SEC11A: variants seen among roughly 807,000 people sequenced by gnomAD.
SEC11A encodes SEC11 homolog A, signal peptidase complex subunit, also known as signal peptidase complex catalytic subunit SEC11A.
SEC11A carries 14 observed loss-of-function variants against 25.6 expected under a neutral mutation model. The observed-to-expected ratio is 0.55, with a 90% confidence interval of 0.36 to 0.85. SEC11A has a LOEUF of 0.85. SEC11A is among the 40% of genes least tolerant of loss of function. The pLI is 0.01. For missense variants in SEC11A, 153 were observed against 222.9 expected, an observed-to-expected ratio of 0.69 and a Z score of 2.00; for synonymous variants, 83 against 76.4, an observed-to-expected ratio of 1.09 and a Z score of -0.45.
At chr15:84,715,141 A>T (rs1320113851) in intron 1 of SEC11A, among the ~76,000 whole-genome samples, 2 of 152,184 alleles carry the variant, frequency 1.3e-5, no homozygotes, top group African/African-American at 4.8e-5. Flanking sequence ...ATAAGTACAA[A>T]AAATGCAAGT....
chr15:84,705,379 T>C (rs1261034315), intron 1 of SEC11A, among the ~76,000 whole-genome samples: 1 of 152,184 alleles, frequency 6.6e-6, no homozygotes, highest in Non-Finnish European at 1.5e-5. Flanking sequence ...ACCAGCTAGG[T>C]GGCAACACTT....
At chr15:84,703,855 C>A (rs1898020303) in intron 1 of SEC11A, among the ~76,000 whole-genome samples, 1 of 152,192 alleles carries the variant, frequency 6.6e-6, no homozygotes, top group South Asian at 2.1e-4. Context: ...GTGCTCATCA[C>A]AGAATTACCT....
chr15:84,683,802 G>T (rs1897342354), intron 3 of SEC11A, among the ~76,000 whole-genome samples: 2 of 148,960 alleles, frequency 1.3e-5, no homozygotes, highest in African/African-American at 4.8e-5. Flanking sequence ...TGGGATAACA[G>T]GCCTGAGCCA....
intron 4 of SEC11A, among the ~76,000 whole-genome samples, chr15:84,679,659 G>C (rs28377015): frequency 0.014 from 2,162 of 152,318 alleles, 50 homozygotes; most frequent in African/African-American, 0.045. Context: ...TGTTACGCTA[G>C]TAATTTTTGT....
chr15:84,678,414 A>G (rs1419243647), intron 4 of SEC11A, among the ~76,000 whole-genome samples: 1 of 152,164 alleles, frequency 6.6e-6, no homozygotes, highest in Non-Finnish European at 1.5e-5. Flanking sequence ...AGATATACAT[A>G]ATAAGGATAT....
chr15:84,696,054 C>A (rs2141903367), intron 1 of SEC11A, among the ~76,000 whole-genome samples: 1 of 152,214 alleles, frequency 6.6e-6, no homozygotes, highest in South Asian at 2.1e-4. Context: ...TAATCAATTT[C>A]CACAAAAGGA....
chr15:84,705,609 C>A (rs1898070206), intron 1 of SEC11A, among the ~76,000 whole-genome samples: 2 of 152,108 alleles, frequency 1.3e-5, no homozygotes, highest in South Asian at 2.1e-4. Context: ...AATCCCAGCA[C>A]TTTGGGAGGC....
chr15:84,710,918 A>G (rs1898242212), intron 1 of SEC11A, among the ~76,000 whole-genome samples: 1 of 151,868 alleles, frequency 6.6e-6, no homozygotes, highest in South Asian at 2.1e-4. Context: ...CTAAAAATAC[A>G]AAAAATTAGC....
chr15:84,678,635 G>A (rs951288985), intron 4 of SEC11A, among the ~76,000 whole-genome samples: 4 of 152,114 alleles, frequency 2.6e-5, no homozygotes, highest in Non-Finnish European at 4.4e-5. Context: ...GTAAAAAAGG[G>A]GTTATAAGAT....
chr15:84,693,185 A>G (rs184950997), intron 1 of SEC11A, among the ~76,000 whole-genome samples: 17 of 152,246 alleles, frequency 1.1e-4, no homozygotes, highest in African/African-American at 3.4e-4. Context: ...CAAAAATCCA[A>G]TGTCATTCAA....
chr15:84,675,031 G>A (rs1684031649), intron 4 of SEC11A, among the ~76,000 whole-genome samples: 1 of 152,200 alleles, frequency 6.6e-6, no homozygotes, highest in African/African-American at 2.4e-5. Context: ...TCCATGGACA[G>A]AGATAAGCAA....
intron 4 of SEC11A, 33 bp from the exon 5 acceptor site, chr15:84,670,815 T>C: frequency 9.2e-7 from 1 of 1,087,208 alleles, no homozygotes; most frequent in Non-Finnish European, 1.3e-6. Flanking sequence ...TATCACAGAA[T>C]TTCCGATGTA....
intron 1 of SEC11A, among the ~76,000 whole-genome samples, chr15:84,697,586 C>A (rs1353882896): frequency 6.6e-6 from 1 of 152,178 alleles, no homozygotes; most frequent in Non-Finnish European, 1.5e-5. Flanking sequence ...TGTATCTGAG[C>A]AAAAGATTGA....
Position 84,698,616 on chromosome 15 carries a change from T to G in SEC11A, c.52-6972A>C, listed in dbSNP as rs146089548. On this transcript the variant is annotated intron_variant, in intron 1 of 5. Coordinates refer to ENST00000268220, the MANE Select transcript of SEC11A (RefSeq NM_014300.4). ...ATAATTTTTTAAATTCCTAATAGTC[T>G]AAATAAGCATACCATCATTAAAACA... Among the ~76,000 whole-genome samples the G allele has an allele frequency of 2.4e-3, 365 of 152,342 alleles. 1 individual carries two copies. Among genetic ancestry groups the G allele is most frequent in the African/African-American group, 8.2e-3 (342 of 41,584 alleles).
intron 1 of SEC11A, among the ~76,000 whole-genome samples, chr15:84,703,812 T>C (rs1215733759): frequency 6.6e-6 from 1 of 152,170 alleles, no homozygotes; most frequent in East Asian, 1.9e-4. Flanking sequence ...CAAATACGTA[T>C]ATAGAATATG....
Position 84,681,733 on chromosome 15 carries a change from T to A in SEC11A, c.312-901A>T, listed in dbSNP as rs1897287942. Among the ~76,000 whole-genome samples, 3 of 152,080 alleles carry A rather than the reference T, an allele frequency of 2.0e-5. No homozygotes were observed. The South Asian group carries it at 6.2e-4, about 31-fold the overall frequency. On this transcript the variant is annotated intron_variant, in intron 3 of 5. Transcript: ENST00000268220. ...ATTCAAACAAATTGTTTAAGAAAGT[T>A]ATGACACAATTGGGGATTTGAACAA...
At chr15:84,687,904 C>T in intron 2 of SEC11A, 130 bp from the exon 3 acceptor site, 1 of 748,414 alleles carries the variant, frequency 1.3e-6, no homozygotes, top group South Asian at 2.0e-5. Context: ...ACTATATCAA[C>T]AGAAATGTGT....
chr15:84,704,752 T>G (rs1280029068), intron 1 of SEC11A, among the ~76,000 whole-genome samples: 1 of 152,160 alleles, frequency 6.6e-6, no homozygotes, highest in African/African-American at 2.4e-5. Flanking sequence ...GCAAATGGTA[T>G]TGCCATGATA....
chr15:84,715,676 A>C (rs1898439808), intron 1 of SEC11A, among the ~76,000 whole-genome samples: 1 of 152,150 alleles, frequency 6.6e-6, no homozygotes, highest in Non-Finnish European at 1.5e-5. Context: ...AGTCGCTCCG[A>C]CTGGAGAAAT....
Sources: allele counts gnomAD v4.1 joint callset (sites outside exome capture counted in the v4.1 genomes callset), GRCh38; gene constraint gnomAD v4.1.1; transcripts MANE v1.5; gene names NCBI Gene and HGNC (gene_info 2026-07-23, HGNC 2026-07-21).